The following NCMAP variants were observed in gnomAD, a reference collection of about 807,000 sequenced individuals.
NCMAP encodes the protein non-compact myelin associated protein.
NCMAP carries 8 observed loss-of-function variants against 7.8 expected under a neutral mutation model. The ratio of observed to expected loss-of-function variants is 1.02; its 90% confidence interval spans 0.60 to 1.84. NCMAP has a LOEUF of 1.84. Ranked by LOEUF, NCMAP falls within the 40% of genes most tolerant of loss-of-function variation. NCMAP has a pLI of 0.00. For missense variants in NCMAP, 112 were observed against 131.4 expected, an observed-to-expected ratio of 0.85 and a Z score of 0.72; for synonymous variants, 41 against 52.9, an observed-to-expected ratio of 0.78 and a Z score of 0.98.
intron 1 of NCMAP, 65 bp from the exon 2 acceptor site, chr1:24,595,359 G>T (rs1209203258): frequency 1.8e-6 from 2 of 1,103,934 alleles, no homozygotes; most frequent in Non-Finnish European, 2.7e-6. Context: ...ACCAAAAGAG[G>T]CATCAAGTAG....
rs796235815 is a variant in NCMAP at position 24,597,519 on chromosome 1, AGGG to A, written c.82+2016_82+2018del. ...ACTGTCAAAAAAAGAAAGAGAAGGA[AGGG>A]GGGGGGGGAGGGGGAGGGGGAGGGG... On this transcript the variant is annotated intron_variant, in intron 2 of 3. Coordinates refer to ENST00000374392, the MANE Select transcript of NCMAP (RefSeq NM_001010980.5). 4.2e-4 allele frequency among the ~76,000 whole-genome samples: 9 copies of A among 21,342 alleles called. No individual in the cohort carries two copies. In the East Asian group the frequency reaches 5.1e-3, roughly 12 times the overall value. The allele number at this position is 21,342 out of a possible 152,430, so 14.0% of individuals were successfully genotyped here.
chr1:24,599,448 G>C (rs2148937684), intron 2 of NCMAP, among the ~76,000 whole-genome samples: 1 of 152,272 alleles, frequency 6.6e-6, no homozygotes, highest in African/African-American at 2.4e-5. Context: ...TAGAGAATTG[G>C]TGAACAGATT....
chr1:24,596,461 T>C (rs956312644), intron 2 of NCMAP, among the ~76,000 whole-genome samples: 2 of 152,006 alleles, frequency 1.3e-5, no homozygotes, highest in African/African-American at 2.4e-5. Flanking sequence ...GGCAGGCAGA[T>C]TGCTTGAGCT....
At chr1:24,599,261 CAA>C (rs1174064630) in intron 2 of NCMAP, among the ~76,000 whole-genome samples, 2 of 98,328 alleles carry the variant, frequency 2.0e-5, no homozygotes, top group East Asian at 6.2e-4. Flanking sequence ...GCCTGGGCAA[CAA>C]GAGTGAAACT....
At chr1:24,577,423 T>TTG (rs1651616356) in intron 1 of NCMAP, among the ~76,000 whole-genome samples, 1 of 147,408 alleles carries the variant, frequency 6.8e-6, no homozygotes, top group Non-Finnish European at 1.5e-5. Context: ...TTTTTTTTTT[T>TTG]TTTTTTTTGG....
intron 1 of NCMAP, among the ~76,000 whole-genome samples, chr1:24,589,812 C>T (rs976151216): frequency 1.3e-5 from 2 of 152,132 alleles, no homozygotes; most frequent in African/African-American, 4.8e-5. Flanking sequence ...GGATAGTTAG[C>T]TTTATGTTTT....
At position 24,568,246 on chromosome 1, in the gene NCMAP, G is replaced by A. The variant is rs770069953; in HGVS notation, c.-8+12077G>A. ...AACCCTGCCTCCTGGAGGCCCGCAC[G>A]GGGCACCTCACAGAGAAGCTCAGTT... On this transcript the variant is annotated intron_variant, in intron 1 of 3. Coordinates refer to ENST00000374392, the MANE Select transcript of NCMAP (RefSeq NM_001010980.5). 3.0e-4 allele frequency among the ~76,000 whole-genome samples: 46 copies of A among 152,200 alleles called. 1 individual carries two copies. Among genetic ancestry groups the A allele is most frequent in the Non-Finnish European group, 5.1e-4 (35 of 68,036 alleles).
At chr1:24,599,561 T>C (rs1213815173) in intron 2 of NCMAP, among the ~76,000 whole-genome samples, 1 of 152,162 alleles carries the variant, frequency 6.6e-6, no homozygotes, top group African/African-American at 2.4e-5. Context: ...TAAAACAGTA[T>C]GTGAAACATG....
chr1:24,591,658 G>A (rs1488604009), intron 1 of NCMAP, among the ~76,000 whole-genome samples: 1 of 152,186 alleles, frequency 6.6e-6, no homozygotes, highest in East Asian at 1.9e-4. Flanking sequence ...GAGACAGGAA[G>A]CCCAGGCAGG....
chr1:24,594,678 T>C (rs1178244414), intron 1 of NCMAP, among the ~76,000 whole-genome samples: 2 of 152,148 alleles, frequency 1.3e-5, no homozygotes, highest in Admixed American at 6.6e-5. Flanking sequence ...ATCTCTTCCA[T>C]GAAATTGTTC....
At chr1:24,574,054 C>T (rs1480291742) in intron 1 of NCMAP, among the ~76,000 whole-genome samples, 1 of 149,958 alleles carries the variant, frequency 6.7e-6, no homozygotes, top group African/African-American at 2.5e-5. Context: ...AACTCCAGGC[C>T]CCCTGGCCCT....
chr1:24,557,754 G>A (rs1650945677), intron 1 of NCMAP, among the ~76,000 whole-genome samples: 1 of 152,214 alleles, frequency 6.6e-6, no homozygotes, highest in Non-Finnish European at 1.5e-5. Flanking sequence ...TCTTCACCTT[G>A]TCCCTGCTGG....
chr1:24,569,185 G>A (rs1651317556), intron 1 of NCMAP, among the ~76,000 whole-genome samples: 1 of 151,882 alleles, frequency 6.6e-6, no homozygotes, highest in African/African-American at 2.4e-5. Flanking sequence ...GTAGAGACGG[G>A]GTTTCACCAT....
intron 1 of NCMAP, among the ~76,000 whole-genome samples, chr1:24,587,688 A>G (rs1451121310): frequency 6.6e-6 from 1 of 151,864 alleles, no homozygotes; most frequent in Admixed American, 6.6e-5. Context: ...TAATTTTTGT[A>G]TTTTTGTAGA....
chr1:24,584,800 G>T (rs1033081991), intron 1 of NCMAP, among the ~76,000 whole-genome samples: 1 of 151,934 alleles, frequency 6.6e-6, no homozygotes, highest in East Asian at 1.9e-4. Context: ...GGCCCCTCTG[G>T]TTTTTTGGTT....
intron 2 of NCMAP, among the ~76,000 whole-genome samples, chr1:24,598,314 C>A (rs1652330976): frequency 6.6e-6 from 1 of 152,082 alleles, no homozygotes; most frequent in Non-Finnish European, 1.5e-5. Flanking sequence ...AGTGAACATA[C>A]CTGCGCAACC....
At chr1:24,578,025 G>A (rs1651637585) in intron 1 of NCMAP, among the ~76,000 whole-genome samples, 1 of 152,170 alleles carries the variant, frequency 6.6e-6, no homozygotes, top group Non-Finnish European at 1.5e-5. Context: ...CACTTTGGGA[G>A]GCTGAGGCGG....
In NCMAP at chr1:24,577,401, G is replaced by GTTTTTTTTTTTTTTTTTTTTTTT. The variant is rs71577720; in HGVS notation, c.-7-18015_-7-17993dup. 8.0e-4 allele frequency among the ~76,000 whole-genome samples: 32 copies of GTTTTTTTTTTTTTTTTTTTTTTT among 39,962 alleles called. 1 individual carries two copies. Among genetic ancestry groups the GTTTTTTTTTTTTTTTTTTTTTTT allele is most frequent in the South Asian group, 1.3e-3 (1 of 800 alleles). The allele number at this position is 39,962 out of a possible 152,430, so 26.2% of individuals were successfully genotyped here. ...GAGTTTCTAAGAAGGCACTGGCCTT[G>GTTTTTTTTTTTTTTTTTTTTTTT]TTTTTTTTTTTTTTTTTTTTTTTTT... is the stretch of plus-strand genomic sequence containing the variant. On this transcript the variant is annotated intron_variant, in intron 1 of 3. Transcript: ENST00000374392.
intron 1 of NCMAP, among the ~76,000 whole-genome samples, chr1:24,583,164 G>A (rs1021214857): frequency 6.6e-6 from 1 of 152,116 alleles, no homozygotes; most frequent in African/African-American, 2.4e-5. Flanking sequence ...AGAAAATTTT[G>A]TCTCCCAAGG....
Sources: gnomAD v4.1 joint callset for allele counts (sites outside exome capture counted in the v4.1 genomes callset) on GRCh38, gnomAD v4.1.1 for gene constraint, MANE v1.5 for transcripts, NCBI Gene and HGNC (gene_info 2026-07-23, HGNC 2026-07-21) for gene names.